CHD1: variants seen among roughly 807,000 people sequenced by gnomAD.
The protein encoded by CHD1 is chromodomain helicase DNA binding protein 1.
CHD1 carries 36 observed loss-of-function variants against 224.2 expected under a neutral mutation model. That is an observed-to-expected ratio of 0.16 (90% confidence interval 0.12 to 0.21). The LOEUF is 0.21. Among genes scored for constraint, CHD1 ranks in the 10% least tolerant of loss-of-function variants. CHD1 has a pLI of 1.00. For missense variants in CHD1, 1,378 were observed against 1,994.8 expected, an observed-to-expected ratio of 0.69 and a Z score of 5.89; for synonymous variants, 668 against 658.3, an observed-to-expected ratio of 1.01 and a Z score of -0.23.
At position 98,875,099 on chromosome 5, in the gene CHD1, T is replaced by C. The variant is rs1292843852; in HGVS notation, c.3413A>G (p.Tyr1138Cys). 1 of 1,512,218 alleles carries C rather than the reference T, an allele frequency of 6.6e-7. No homozygotes were observed. The highest frequency in any genetic ancestry group is 9.1e-7 in the Non-Finnish European group (1 of 1,093,966). 93.7% of individuals were successfully genotyped at this position (1,512,218 alleles called of 1,614,324 possible). A position where few individuals can be genotyped will look rare whatever the true frequency, so the allele number is the denominator to read the frequency against. The stretch of plus-strand genomic sequence containing the variant: ...TTCCAGAGGACCACCAAATTTCTTA[T>C]AGCTCTTGATAAACCTAAGAGAAAA... ...DAEIRRFIKS[Y>C]KKFGGPLERL... The change falls in exon 25 of 36, where the codon TAT (tyrosine) becomes TGT (cysteine). Residue 1138 changes from tyrosine to cysteine, a missense_variant. Physicochemically the swap from Tyr to Cys is radical, Grantham distance 194. Around this residue, in one of 16 missense-constraint regions of CHD1, gnomAD observed 286 missense variants for 445.1 expected, o/e 0.64. Transcript: ENST00000614616.
chr5:98,900,140 G>C (rs1264296739), intron 7 of CHD1, among the ~76,000 whole-genome samples: 2 of 151,924 alleles, frequency 1.3e-5, no homozygotes, highest in Non-Finnish European at 2.9e-5. Flanking sequence ...AAATCAGCCA[G>C]GTGTCCTGGC....
intron 22 of CHD1, 60 bp from the exon 23 acceptor site, chr5:98,879,788 T>G: frequency 8.9e-7 from 1 of 1,128,330 alleles, no homozygotes; most frequent in Non-Finnish European, 1.3e-6. Flanking sequence ...CTAAAAGTTT[T>G]TTTTAAGGGG....
chr5:98,910,221 C>T (rs766623009), intron 2 of CHD1, among the ~76,000 whole-genome samples: 8 of 151,978 alleles, frequency 5.3e-5, no homozygotes, highest in South Asian at 2.1e-4. Flanking sequence ...TGTCATCACT[C>T]GGGTTGAGTT....
intron 4 of CHD1, 134 bp downstream of exon 4, chr5:98,903,658 T>C (rs1751866072): frequency 8.2e-6 from 6 of 728,798 alleles, no homozygotes; most frequent in Non-Finnish European, 1.4e-5. Context: ...TTCAAGATTC[T>C]TGATATATAC....
chr5:98,898,047 TAA>T (rs1407016233), intron 10 of CHD1, among the ~76,000 whole-genome samples: 1 of 151,750 alleles, frequency 6.6e-6, no homozygotes, highest in Non-Finnish European at 1.5e-5. Context: ...ACAATTTTTT[TAA>T]GAGAAAGTTT....
intron 2 of CHD1, among the ~76,000 whole-genome samples, chr5:98,922,513 C>T (rs1020859119): frequency 4.6e-5 from 7 of 152,050 alleles, no homozygotes; most frequent in African/African-American, 1.7e-4. Context: ...TAACTGTAAC[C>T]TGCAAATGCC....
At chr5:98,918,126 C>T (rs1326972614) in intron 2 of CHD1, among the ~76,000 whole-genome samples, 3 of 150,916 alleles carry the variant, frequency 2.0e-5, no homozygotes, top group Non-Finnish European at 2.9e-5. Context: ...GGCACGATCT[C>T]GGCTCACTGC....
chr5:98,908,402 A>G (rs2112567777), intron 2 of CHD1, among the ~76,000 whole-genome samples: 1 of 152,330 alleles, frequency 6.6e-6, no homozygotes, highest in East Asian at 1.9e-4. Flanking sequence ...GGTTATGAGC[A>G]AACGATGTAA....
intron 2 of CHD1, among the ~76,000 whole-genome samples, chr5:98,912,145 C>A (rs1174023556): frequency 6.6e-6 from 1 of 151,956 alleles, no homozygotes; most frequent in East Asian, 1.9e-4. Flanking sequence ...TATTAACATC[C>A]AAGATTGTGA....
chr5:98,909,199 C>T (rs1408478636), intron 2 of CHD1, among the ~76,000 whole-genome samples: 1 of 152,028 alleles, frequency 6.6e-6, no homozygotes, highest in Non-Finnish European at 1.5e-5. Context: ...TCAGGCTATC[C>T]CTTTAGTCTC....
At chr5:98,857,474 CAAAG>C (rs1748126225) in intron 35 of CHD1, among the ~76,000 whole-genome samples, 1 of 151,978 alleles carries the variant, frequency 6.6e-6, no homozygotes, top group Non-Finnish European at 1.5e-5. Flanking sequence ...CAGAGGTTCT[CAAAG>C]AAATTATTGT....
intron 2 of CHD1, among the ~76,000 whole-genome samples, chr5:98,911,144 A>ATATAT (rs1321937045): frequency 3.1e-4 from 23 of 73,718 alleles, no homozygotes; most frequent in East Asian, 9.5e-4. Flanking sequence ...AAAAAAAAAA[A>ATATAT]AAATATATAT....
intron 3 of CHD1, 149 bp from the exon 4 acceptor site, chr5:98,904,057 C>T: frequency 1.7e-6 from 1 of 575,232 alleles, no homozygotes; most frequent in Non-Finnish European, 3.1e-6. Flanking sequence ...ATTATCATTG[C>T]AATATAGTTA....
intron 2 of CHD1, among the ~76,000 whole-genome samples, chr5:98,921,232 T>C (rs1234071897): frequency 2.0e-5 from 3 of 152,162 alleles, no homozygotes; most frequent in Admixed American, 6.5e-5. Flanking sequence ...CAATCATCAG[T>C]TGCCATTGTT....
intron 30 of CHD1, chr5:98,869,111 T>C: frequency 1.1e-6 from 1 of 928,266 alleles, no homozygotes. Flanking sequence ...TTTCTTATCC[T>C]CTTTTTCTTT....
At chr5:98,923,407 C>T (rs1300488289) in intron 2 of CHD1, among the ~76,000 whole-genome samples, 1 of 147,828 alleles carries the variant, frequency 6.8e-6, no homozygotes, top group East Asian at 1.9e-4. Context: ...AATTTGATTT[C>T]GCAAGGTTTA....
rs1029226425 is a variant in CHD1 at position 98,926,458 on chromosome 5, G to A, written c.-72C>T. 8.1e-5 allele frequency: 58 copies of A among 714,866 alleles called. No individual in the cohort carries two copies. Among genetic ancestry groups the A allele is most frequent in the Non-Finnish European group, 1.2e-4 (57 of 464,416 alleles). The allele number at this position is 714,866 out of a possible 1,614,324, so 44.3% of individuals were successfully genotyped here. A position where few individuals can be genotyped will look rare whatever the true frequency, so the allele number is the denominator to read the frequency against. ...AGTTTAAAAGATGAATATAAATACT[G>A]ACTCCTTGAATATAAAAATTCACAG... On this transcript the variant is annotated 5_prime_UTR_variant, in exon 2 of 36. Coordinates refer to ENST00000614616, the MANE Select transcript of CHD1 (RefSeq NM_001270.4).
chr5:98,874,605 G>C (rs1255514701), intron 25 of CHD1, among the ~76,000 whole-genome samples: 3 of 149,994 alleles, frequency 2.0e-5, no homozygotes, highest in East Asian at 2.0e-4. Context: ...CCAGCTGCTC[G>C]AGAGGCTGAA....
At chr5:98,868,863 G>T in intron 30 of CHD1, 1 of 532,126 alleles carries the variant, frequency 1.9e-6, no homozygotes, top group Non-Finnish European at 2.8e-6. Flanking sequence ...AGAGTGTTCA[G>T]ACCTACTATT....
Sources: gnomAD v4.1 joint callset for allele counts (sites outside exome capture counted in the v4.1 genomes callset) on GRCh38, gnomAD v4.1.1 for gene constraint, gnomAD v4.1.1 regional missense constraint, MANE v1.5 for transcripts, NCBI Gene and HGNC (gene_info 2026-07-23, HGNC 2026-07-21) for gene names.